Variants in TCF7 observed in about 807,000 individuals in gnomAD.
TCF7 encodes T-cell-factor-7.
TCF7 carries 19 observed loss-of-function variants against 46.8 expected under a neutral mutation model. That is an observed-to-expected ratio of 0.41 (90% CI 0.28 to 0.60). The LOEUF is 0.60. Ranked by LOEUF, TCF7 falls within the 20% of genes least tolerant of loss-of-function variation. The pLI is 0.35. For missense variants in TCF7, 547 were observed against 504.6 expected, an observed-to-expected ratio of 1.08 and a Z score of -0.81; for synonymous variants, 245 against 213.4, an observed-to-expected ratio of 1.15 and a Z score of -1.29.
intron 9 of TCF7, chr5:134,144,521 A>T: frequency 2.2e-6 from 1 of 453,490 alleles, no homozygotes. Flanking sequence ...CACAAGCCAC[A>T]GAGATGAGCC....
Position 134,115,056 on chromosome 5 carries a change from G to A in TCF7, c.150G>A (p.Glu50=). ...SAAGPERDLA[E]LKSSLVNESE... ...CCGGTCCCGAGCGCGACCTGGCCGAGCTCAAGTCGTCGCTCGTGAACGAGT... is the reference window on the plus strand; with the variant it reads ...CCGGTCCCGAGCGCGACCTGGCCGAACTCAAGTCGTCGCTCGTGAACGAGT... Residue 50 remains glutamate, a synonymous_variant, in exon 1 of 10, where the codon GAG becomes GAA. Coordinates refer to ENST00000342854, the MANE Select transcript of TCF7 (RefSeq NM_003202.5). 1 of 1,214,134 alleles carries A rather than the reference G, an allele frequency of 8.2e-7. No homozygotes were observed. Among genetic ancestry groups the A allele is most frequent in the South Asian group, 1.7e-5 (1 of 60,564 alleles). The allele number at this position is 1,214,134 out of a possible 1,614,324, so 75.2% of individuals were successfully genotyped here. A position where few individuals can be genotyped will look rare whatever the true frequency, so the allele number is the denominator to read the frequency against.
intron 5 of TCF7, 103 bp from the exon 6 acceptor site, chr5:134,142,082 T>C: frequency 6.6e-7 from 1 of 1,522,416 alleles, no homozygotes; most frequent in Non-Finnish European, 9.0e-7. Flanking sequence ...ATCTATCTGT[T>C]CACCTGTGTC....
intron 3 of TCF7, among the ~76,000 whole-genome samples, chr5:134,129,727 C>T (rs947014831): frequency 6.6e-6 from 1 of 152,246 alleles, no homozygotes; most frequent in African/African-American, 2.4e-5. Context: ...TGCCTCGGGC[C>T]GGGTTGGGCC....
rs746445868 is a variant in TCF7 at position 134,143,634 on chromosome 5, A to G, written c.1069A>G (p.Thr357Ala). ...GTCGAGGGAAAAGCACCAAGAATCCACCACAGGTGAGACCTTCTCTCAGCA... is the reference window on the plus strand; with the variant it reads ...GTCGAGGGAAAAGCACCAAGAATCCGCCACAGGTGAGACCTTCTCTCAGCA... ...RRSREKHQESTTGGKRNAFGT... is the reference protein window; with the variant it reads ...RRSREKHQESATGGKRNAFGT... Residue 357 changes from threonine to alanine, a missense_variant, in exon 9 of 10, where the codon ACC (threonine) becomes GCC (alanine). Transcript: ENST00000342854. 3 of 1,614,010 alleles carry G rather than the reference A, an allele frequency of 1.9e-6. No individual in the cohort carries two copies. Among genetic ancestry groups the G allele is most frequent in the East Asian group, 2.2e-5 (1 of 44,872 alleles).
the TCF7 span, among the ~76,000 whole-genome samples, chr5:134,108,374 C>G: frequency 6.6e-6 from 1 of 152,178 alleles, no homozygotes; most frequent in African/African-American, 2.4e-5. Flanking sequence ...ATGAAGGTGC[C>G]ATGATCCCAA....
intron 3 of TCF7, among the ~76,000 whole-genome samples, chr5:134,135,121 T>G (rs563894791): frequency 6.6e-6 from 1 of 152,124 alleles, no homozygotes; most frequent in South Asian, 2.1e-4. Flanking sequence ...GCCCAGCTAG[T>G]TATTTTTATT....
intron 3 of TCF7, among the ~76,000 whole-genome samples, chr5:134,117,940 C>T (rs1437235917): frequency 6.6e-6 from 1 of 152,148 alleles, no homozygotes; most frequent in African/African-American, 2.4e-5. Context: ...TGTGGGGCTG[C>T]AGAAAAGGAC....
intron 5 of TCF7, chr5:134,139,735 G>C (rs1759449548): frequency 6.6e-6 from 1 of 152,338 alleles, no homozygotes; most frequent in African/African-American, 2.4e-5. Flanking sequence ...CTATTTCAGA[G>C]AGCTGGGCTG....
chr5:134,143,323 T>C, intron 8 of TCF7: 1 of 767,680 alleles, frequency 1.3e-6, no homozygotes. Flanking sequence ...TACCCAACAT[T>C]TGATTGGGCC....
rs1439539627 is a variant in TCF7 at position 134,145,990 on chromosome 5, C to T, written c.1076-234C>T. The T allele has an allele frequency of 4.7e-6, 7 of 1,475,820 alleles. No individual in the cohort carries two copies. In the East Asian group the frequency reaches 7.3e-5, roughly 15 times the overall value. The allele number at this position is 1,475,820 out of a possible 1,614,324, so 91.4% of individuals were successfully genotyped here. On this transcript the variant is annotated intron_variant, in intron 9 of 9. Coordinates refer to ENST00000342854, the MANE Select transcript of TCF7 (RefSeq NM_003202.5). ...TGGAAGACAGATGACAGCCCATAGG[C>T]CTAGTGACAAAAGGCCCCTTTGCCA... is the stretch of plus-strand genomic sequence containing the variant.
intron 3 of TCF7, among the ~76,000 whole-genome samples, chr5:134,124,342 C>G (rs1444513226): frequency 6.6e-6 from 1 of 152,246 alleles, no homozygotes; most frequent in Non-Finnish European, 1.5e-5. Context: ...TGCACACAAG[C>G]TGTCTACAGC....
At chr5:134,123,817 G>A (rs1756947072) in intron 3 of TCF7, 3 of 456,192 alleles carry the variant, frequency 6.6e-6, no homozygotes, top group Non-Finnish European at 1.3e-5. Flanking sequence ...ACAAAGGCGG[G>A]GAGAGCCAGC....
At chr5:134,132,247 C>T (rs1177009237) in intron 3 of TCF7, among the ~76,000 whole-genome samples, 1 of 152,244 alleles carries the variant, frequency 6.6e-6, no homozygotes, top group Non-Finnish European at 1.5e-5. Context: ...TTAGGAGTAT[C>T]TGAGTTCAAC....
chr5:134,146,665 C>A lies in TCF7; in HGVS notation c.*362C>A. On this transcript the variant is annotated 3_prime_UTR_variant, in exon 10 of 10. Coordinates refer to ENST00000342854, the MANE Select transcript of TCF7 (RefSeq NM_003202.5). ...GATTTCAGAGGCTGCAGGACTTCTG[C>A]CTGAACCTGGGGTCATCGATTCAAA... 1.6e-6 allele frequency: 1 copy of A among 642,500 alleles called. No homozygotes were observed. The highest frequency in any genetic ancestry group is 1.8e-5 in the South Asian group (1 of 56,148). The allele number at this position is 642,500 out of a possible 1,614,324, so 39.8% of individuals were successfully genotyped here. A position where few individuals can be genotyped will look rare whatever the true frequency, so the allele number is the denominator to read the frequency against.
At chr5:134,120,655 A>G (rs192100405) in intron 3 of TCF7, among the ~76,000 whole-genome samples, 500 of 152,258 alleles carry the variant, frequency 3.3e-3, no homozygotes, top group African/African-American at 0.012. Flanking sequence ...TCAGGGCTCA[A>G]TTCAGATGTC....
At chr5:134,136,368 C>T (rs1001892114) in intron 3 of TCF7, among the ~76,000 whole-genome samples, 2 of 152,110 alleles carry the variant, frequency 1.3e-5, no homozygotes, top group African/African-American at 4.8e-5. Flanking sequence ...CCCTGTCTGC[C>T]TGAGGAAAGG....
chr5:134,133,068 G>C (rs1347774557), intron 3 of TCF7, among the ~76,000 whole-genome samples: 1 of 152,230 alleles, frequency 6.6e-6, no homozygotes, highest in African/African-American at 2.4e-5. Flanking sequence ...CCTGTCACCA[G>C]GCATCCAGTA....
intron 3 of TCF7, among the ~76,000 whole-genome samples, chr5:134,117,450 G>T (rs1221075702): frequency 6.6e-6 from 1 of 152,254 alleles, no homozygotes. Flanking sequence ...TGTGCCACTT[G>T]CATAGGGGCT....
In TCF7 at chr5:134,115,180, C is replaced by A. The variant is rs1326455544; in HGVS notation, c.249+25C>A. The A allele has an allele frequency of 1.3e-5, 14 of 1,063,494 alleles. No homozygotes were observed. The Admixed American group carries it at 7.2e-4, about 55-fold the overall frequency. 65.9% of individuals were successfully genotyped at this position (1,063,494 alleles called of 1,614,324 possible). On this transcript the variant is annotated intron_variant, in intron 1 of 9. Transcript: ENST00000342854. ...GGTGAGCCCCCGCCGGCGCCGGCTC[C>A]TCCCCCGCGGTCGCCGCGCCGCGCC...
Sources: allele counts gnomAD v4.1 joint callset (sites outside exome capture counted in the v4.1 genomes callset), GRCh38; gene constraint gnomAD v4.1.1; transcripts MANE v1.5; gene names NCBI Gene and HGNC (gene_info 2026-07-23, HGNC 2026-07-21).